The following GRM5 variants were observed in gnomAD, a reference collection of about 807,000 sequenced individuals.
GRM5 encodes the protein glutamate metabotropic receptor 5, also known as metabotropic glutamate receptor 5.
A neutral mutation model predicts 83.1 loss-of-function variants in GRM5; 19 were observed. That is an observed-to-expected ratio of 0.23 (90% CI 0.16 to 0.34). GRM5 has a LOEUF of 0.34. GRM5 is among the 10% of genes least tolerant of loss of function. The pLI, the probability that GRM5 is intolerant of heterozygous loss-of-function variation, is 1.00. For missense variants in GRM5, 1,160 were observed against 1,588.3 expected (o/e 0.73, Z 4.58); for synonymous variants, 675 against 633.6 (o/e 1.07, Z -0.98).
intron 7 of GRM5, among the ~76,000 whole-genome samples, chr11:88,584,417 TTTTC>T (rs1201696763): frequency 6.6e-6 from 1 of 151,986 alleles, no homozygotes; most frequent in African/African-American, 2.4e-5. Flanking sequence ...CATGATTGCA[TTTTC>T]TTTCTTTTCT....
chr11:89,008,654 A>C (rs1940596898), intron 2 of GRM5, among the ~76,000 whole-genome samples: 1 of 152,124 alleles, frequency 6.6e-6, no homozygotes, highest in Non-Finnish European at 1.5e-5. Context: ...TCCAGTATAA[A>C]ATTTCATTAC....
intron 3 of GRM5, among the ~76,000 whole-genome samples, chr11:88,664,604 G>A (rs1469222443): frequency 2.0e-5 from 3 of 151,906 alleles, no homozygotes; most frequent in Non-Finnish European, 4.4e-5. Context: ...GCACCACCAT[G>A]CCCGGCTAAT....
At chr11:88,989,109 G>A (rs1269391236) in intron 2 of GRM5, among the ~76,000 whole-genome samples, 1 of 150,890 alleles carries the variant, frequency 6.6e-6, no homozygotes, top group Admixed American at 6.6e-5. Flanking sequence ...CTGTATTCAG[G>A]AAACCCATCT....
intron 3 of GRM5, among the ~76,000 whole-genome samples, chr11:88,798,979 A>G (rs1388360111): frequency 6.6e-6 from 1 of 151,990 alleles, no homozygotes. Context: ...AAGAAAAAAT[A>G]AAAGCTTTTG....
chr11:88,658,575 T>C (rs899577029), intron 3 of GRM5, among the ~76,000 whole-genome samples: 3 of 152,146 alleles, frequency 2.0e-5, no homozygotes, highest in African/African-American at 7.2e-5. Flanking sequence ...GGAGGACAGA[T>C]ATAAATAAGT....
In GRM5 at chr11:89,048,961, G is replaced by A. The variant is rs553618684; in HGVS notation, c.-200-889C>T. 2.0e-5 allele frequency among the ~76,000 whole-genome samples: 3 copies of A among 152,206 alleles called. No individual in the cohort carries two copies. The East Asian group carries it at 5.8e-4, about 29-fold the overall frequency. ...ATGGGAATCAATACAAGATATCAAC[G>A]AAATAAACGCTTTACAAGTTAAAAA... On this transcript the variant is annotated intron_variant, in intron 1 of 9. Transcript: ENST00000305447.
intron 3 of GRM5, among the ~76,000 whole-genome samples, chr11:88,681,074 A>G (rs1165664709): frequency 1.3e-5 from 2 of 151,486 alleles, no homozygotes; most frequent in Non-Finnish European, 2.9e-5. Flanking sequence ...TTTCCCTTCA[A>G]GACACATGTA....
intron 8 of GRM5, among the ~76,000 whole-genome samples, chr11:88,544,075 T>TCA (rs907489978): frequency 6.6e-6 from 1 of 151,158 alleles, no homozygotes; most frequent in Non-Finnish European, 1.5e-5. Flanking sequence ...TCTCTCTCTC[T>TCA]CACACACACA....
chr11:88,774,145 T>A (rs1025309188), intron 3 of GRM5, among the ~76,000 whole-genome samples: 16 of 152,208 alleles, frequency 1.1e-4, no homozygotes, highest in Admixed American at 3.3e-4. Context: ...TGGTTTGTAG[T>A]TTTCCTTGAG....
rs190498307 is a variant in GRM5 at position 88,725,925 on chromosome 11, G to A, written c.912-72522C>T. On this transcript the variant is annotated intron_variant, in intron 3 of 9. Transcript: ENST00000305447. ...CAAAGGTAGATAAATCCACGAAGAT[G>A]AGAAAAAAACAGTGCAAAAAGGTTG... Among the ~76,000 whole-genome samples, 80 of 152,262 alleles carry A rather than the reference G, an allele frequency of 5.3e-4. 1 individual carries two copies. The highest frequency in any genetic ancestry group is 1.8e-3 in the African/African-American group (76 of 41,564).
intron 7 of GRM5, among the ~76,000 whole-genome samples, chr11:88,585,760 AT>A (rs1334279132): frequency 1.3e-5 from 2 of 152,124 alleles, no homozygotes; most frequent in African/African-American, 4.8e-5. Context: ...TACTTTCAAT[AT>A]TTGGAAAAAT....
At chr11:88,719,382 A>T (rs1941480426) in intron 3 of GRM5, among the ~76,000 whole-genome samples, 1 of 151,994 alleles carries the variant, frequency 6.6e-6, no homozygotes, top group Admixed American at 6.6e-5. Flanking sequence ...GTCCCTGCAA[A>T]GGACACAGTC....
At chr11:88,676,102 A>C (rs1940322182) in intron 3 of GRM5, among the ~76,000 whole-genome samples, 1 of 152,030 alleles carries the variant, frequency 6.6e-6, no homozygotes, top group African/African-American at 2.4e-5. Context: ...CCTTTAGGGA[A>C]GTTACCATCA....
intron 3 of GRM5, among the ~76,000 whole-genome samples, chr11:88,668,187 T>A (rs1328233488): frequency 6.7e-6 from 1 of 148,602 alleles, no homozygotes; most frequent in Non-Finnish European, 1.5e-5. Context: ...CAGTGGAAGT[T>A]TATTTAAAAC....
chr11:88,996,746 A>T (rs1246786143), intron 2 of GRM5, among the ~76,000 whole-genome samples: 1 of 152,236 alleles, frequency 6.6e-6, no homozygotes, highest in Admixed American at 6.5e-5. Flanking sequence ...ATACACTAAG[A>T]TAGAAAACAA....
In GRM5 at chr11:88,581,302, T is replaced by C. The variant is rs117533804; in HGVS notation, c.1690+9299A>G. ...GAACAGTTAATGCATACGAAACTTT[T>C]TGTATGCTATAAAATAGCTCTAATA... On this transcript the variant is annotated intron_variant, in intron 7 of 9. Transcript: ENST00000305447. Among the ~76,000 whole-genome samples the C allele has an allele frequency of 7.9e-3, 1,196 of 152,328 alleles. 11 individuals are homozygous for C. Among genetic ancestry groups the C allele is most frequent in the Admixed American group, 0.011 (164 of 15,290 alleles).
chr11:88,713,496 GAC>G (rs1316351128), intron 3 of GRM5, among the ~76,000 whole-genome samples: 3 of 151,976 alleles, frequency 2.0e-5, no homozygotes, highest in Non-Finnish European at 4.4e-5. Context: ...TATTAGGAAG[GAC>G]ACACAAAGAA....
intron 2 of GRM5, among the ~76,000 whole-genome samples, chr11:89,006,030 G>A (rs1349586994): frequency 1.3e-5 from 2 of 152,168 alleles, no homozygotes; most frequent in Admixed American, 1.3e-4. Flanking sequence ...TGAAAAAGGC[G>A]TCCAGGGGTT....
intron 3 of GRM5, among the ~76,000 whole-genome samples, chr11:88,750,442 G>A (rs923943797): frequency 2.0e-5 from 3 of 152,160 alleles, no homozygotes; most frequent in Non-Finnish European, 4.4e-5. Flanking sequence ...CATAAAGCAA[G>A]TTCTTAGAGA....
Sources: gnomAD v4.1 joint callset for allele counts (sites outside exome capture counted in the v4.1 genomes callset) on GRCh38, gnomAD v4.1.1 for gene constraint, MANE v1.5 for transcripts, NCBI Gene and HGNC (gene_info 2026-07-23, HGNC 2026-07-21) for gene names.